RYR2: variants seen among roughly 807,000 people sequenced by gnomAD.
RYR2 encodes ryanodine receptor 2, also known as cardiac muscle ryanodine receptor-calcium release channel.
A neutral mutation model predicts 601.1 loss-of-function variants in RYR2; 227 were observed. The observed-to-expected ratio is 0.38, with a 90% confidence interval of 0.34 to 0.42. The LOEUF is 0.42. Ranked by LOEUF, RYR2 falls within the 10% of genes least tolerant of loss-of-function variation. The pLI is 1.00. For synonymous variants in RYR2, 2,223 were observed against 2,175.1 expected (o/e 1.02, Z -0.61); for missense variants, 4,646 against 6,156.5 (o/e 0.75, Z 8.21).
Position 237,660,957 on chromosome 1 carries a change from C to A in RYR2, c.8436+10C>A. ...TTCTCAGACAAGCCAGGTAAGAATT[C>A]ATCACGGTGATGAATCAACTGTTTA... On this transcript the variant is annotated intron_variant, in intron 56 of 104. Coordinates refer to ENST00000366574, the MANE Select transcript of RYR2 (RefSeq NM_001035.3). 7.2e-7 allele frequency: 1 copy of A among 1,382,620 alleles called. No homozygotes were observed. Among genetic ancestry groups the A allele is most frequent in the South Asian group, 2.0e-5 (1 of 50,542 alleles). The allele number at this position is 1,382,620 out of a possible 1,614,324, so 85.6% of individuals were successfully genotyped here.
chr1:237,460,629 T>A (rs1179787916), intron 16 of RYR2, among the ~76,000 whole-genome samples: 2 of 152,204 alleles, frequency 1.3e-5, no homozygotes, highest in Non-Finnish European at 2.9e-5. Flanking sequence ...AGATTTCCAT[T>A]GACTTTTCTG....
chr1:237,185,630 G>T (rs1200825395), intron 1 of RYR2, among the ~76,000 whole-genome samples: 1 of 152,064 alleles, frequency 6.6e-6, no homozygotes, highest in African/African-American at 2.4e-5. Context: ...ACACACAGAG[G>T]ATAAGATTCC....
intron 1 of RYR2, among the ~76,000 whole-genome samples, chr1:237,256,129 T>C (rs1215344949): frequency 1.3e-5 from 2 of 152,096 alleles, no homozygotes; most frequent in African/African-American, 4.8e-5. Flanking sequence ...GTTTCCCCCA[T>C]ACTGTTATGG....
At chr1:237,552,544 T>A (rs1167985554) in intron 27 of RYR2, among the ~76,000 whole-genome samples, 1 of 152,058 alleles carries the variant, frequency 6.6e-6, no homozygotes, top group Non-Finnish European at 1.5e-5. Context: ...CCCAACAAAG[T>A]AACCACTTTG....
intron 2 of RYR2, among the ~76,000 whole-genome samples, chr1:237,304,941 C>A (rs1461879468): frequency 6.6e-6 from 1 of 152,012 alleles, no homozygotes; most frequent in African/African-American, 2.4e-5. Flanking sequence ...TGCAGATGAT[C>A]ATTTATAATA....
chr1:237,047,661 T>C (rs1660760020), intron 1 of RYR2, among the ~76,000 whole-genome samples: 1 of 152,172 alleles, frequency 6.6e-6, no homozygotes, highest in Admixed American at 6.5e-5. Flanking sequence ...TTCCCTTAGA[T>C]TCCTTCTCAA....
At chr1:237,585,822 C>T (rs1449195187) in intron 29 of RYR2, among the ~76,000 whole-genome samples, 1 of 152,066 alleles carries the variant, frequency 6.6e-6, no homozygotes, top group Non-Finnish European at 1.5e-5. Flanking sequence ...GAAATACCAT[C>T]TACTGGTATA....
In RYR2 at chr1:237,674,227, T is replaced by C; in HGVS notation, c.8714+8T>C. On this transcript the variant is annotated splice_region_variant and intron_variant, in intron 59 of 104. Transcript: ENST00000366574. ...TGGATATGCTGTATCCAGGTAAAAG[T>C]ACACATACCCTAAGTACACACTCTT... 6.2e-7 allele frequency: 1 copy of C among 1,604,156 alleles called. No homozygotes were observed. The highest frequency in any genetic ancestry group is 1.1e-5 in the South Asian group (1 of 90,734).
At chr1:237,786,849 TTA>T (rs1461523001) in intron 91 of RYR2, among the ~76,000 whole-genome samples, 2 of 152,210 alleles carry the variant, frequency 1.3e-5, no homozygotes, top group Non-Finnish European at 2.9e-5. Flanking sequence ...GTTTTCATCG[TTA>T]TGTTTTTGTA....
At chr1:237,330,466 C>A (rs986419420) in intron 2 of RYR2, among the ~76,000 whole-genome samples, 1 of 152,236 alleles carries the variant, frequency 6.6e-6, no homozygotes, top group Non-Finnish European at 1.5e-5. Flanking sequence ...TGGCTAACTG[C>A]AACCTCTGCC....
At chr1:237,121,056 ATG>A (rs960892139) in intron 1 of RYR2, 68 of 143,790 alleles carry the variant, frequency 4.7e-4, no homozygotes, top group Middle Eastern at 3.4e-3. Context: ...GTGTGTGCAC[ATG>A]TGTGTGTGTG....
At chr1:237,789,370 T>G (rs2149371701) in intron 92 of RYR2, among the ~76,000 whole-genome samples, 1 of 152,390 alleles carries the variant, frequency 6.6e-6, no homozygotes, top group African/African-American at 2.4e-5. Flanking sequence ...AAATATATTT[T>G]AATTTAGTTG....
intron 17 of RYR2, among the ~76,000 whole-genome samples, chr1:237,477,032 G>A (rs1661483762): frequency 6.6e-6 from 1 of 152,160 alleles, no homozygotes; most frequent in Admixed American, 6.5e-5. Flanking sequence ...AGGAATAAAA[G>A]AGGAAGTCTT....
At chr1:237,563,391 A>G (rs1356028176) in intron 27 of RYR2, among the ~76,000 whole-genome samples, 17 of 145,904 alleles carry the variant, frequency 1.2e-4, no homozygotes, top group Middle Eastern at 3.5e-3. Flanking sequence ...AGCCTGGGCA[A>G]CAAGAGCAAA....
intron 34 of RYR2, 73 bp downstream of exon 34, chr1:237,595,730 T>TAAAC: frequency 6.6e-7 from 1 of 1,513,274 alleles, no homozygotes; most frequent in Non-Finnish European, 8.8e-7. Flanking sequence ...AAACACAGTT[T>TAAAC]GTAAGATCAA....
intron 1 of RYR2, among the ~76,000 whole-genome samples, chr1:237,090,405 G>A (rs1272343238): frequency 2.0e-5 from 3 of 152,142 alleles, no homozygotes; most frequent in South Asian, 4.1e-4. Context: ...AGGGAGGCAG[G>A]GGGATCAGAG....
chr1:237,044,785 C>CTT (rs373864494), intron 1 of RYR2, among the ~76,000 whole-genome samples: 3 of 148,482 alleles, frequency 2.0e-5, no homozygotes, highest in Admixed American at 6.7e-5. Context: ...CCCCACCCCC[C>CTT]TTTTTTTTCT....
intron 1 of RYR2, among the ~76,000 whole-genome samples, chr1:237,252,403 G>A (rs989736318): frequency 6.6e-6 from 1 of 152,108 alleles, no homozygotes; most frequent in Non-Finnish European, 1.5e-5. Context: ...TCATCAGAGA[G>A]GTCATTTACG....
At chr1:237,369,666 T>C in intron 6 of RYR2, 58 bp downstream of exon 6, 1 of 1,376,886 alleles carries the variant, frequency 7.3e-7, no homozygotes, top group Non-Finnish European at 1.0e-6. Flanking sequence ...TGGGGGTACA[T>C]GGTCTGCAAA....
Sources: gnomAD v4.1 joint callset for allele counts (sites outside exome capture counted in the v4.1 genomes callset) on GRCh38, gnomAD v4.1.1 for gene constraint, MANE v1.5 for transcripts, NCBI Gene and HGNC (gene_info 2026-07-23, HGNC 2026-07-21) for gene names.